The following PCDH15 variants were observed in gnomAD, a reference collection of about 807,000 sequenced individuals.
PCDH15 encodes the protein protocadherin related 15, also known as protocadherin-15.
Under a neutral mutation model 178.5 loss-of-function variants are expected in PCDH15, and 129 were observed. That is an observed-to-expected ratio of 0.72 (90% confidence interval 0.63 to 0.84). PCDH15 has a LOEUF of 0.84. Ranked by LOEUF, PCDH15 falls within the 40% of genes least tolerant of loss-of-function variation. The probability of loss-of-function intolerance (pLI) is 0.00; values close to 1 mark genes in which losing one functional copy is unlikely to be tolerated. For missense variants in PCDH15, 2,230 were observed against 2,099.9 expected (o/e 1.06, Z -1.21); for synonymous variants, 800 against 732.0 (o/e 1.09, Z -1.50).
At chr10:54,516,722 A>T (rs1212421360) in intron 3 of PCDH15, among the ~76,000 whole-genome samples, 1 of 151,336 alleles carries the variant, frequency 6.6e-6, no homozygotes, top group African/African-American at 2.4e-5. Context: ...CCACAAAGAT[A>T]CTCCTCGAGA....
At chr10:54,579,048 A>G (rs1393164150) in intron 2 of PCDH15, among the ~76,000 whole-genome samples, 1 of 152,110 alleles carries the variant, frequency 6.6e-6, no homozygotes, top group Non-Finnish European at 1.5e-5. Context: ...GAACACAATT[A>G]AATACATAGT....
At chr10:54,557,661 C>T (rs1329478256) in intron 2 of PCDH15, among the ~76,000 whole-genome samples, 1 of 152,074 alleles carries the variant, frequency 6.6e-6, no homozygotes, top group Non-Finnish European at 1.5e-5. Context: ...CAAAACATAG[C>T]AGTACGAGAA....
intron 1 of PCDH15, among the ~76,000 whole-genome samples, chr10:55,273,628 T>G (rs1842507277): frequency 6.6e-6 from 1 of 152,074 alleles, no homozygotes; most frequent in Admixed American, 6.5e-5. Context: ...TTAAAGCTGC[T>G]AAGTTATTAT....
intron 1 of PCDH15, among the ~76,000 whole-genome samples, chr10:55,243,409 A>C (rs933309617): frequency 6.6e-6 from 1 of 152,238 alleles, no homozygotes; most frequent in African/African-American, 2.4e-5. Context: ...CTACTTAGAA[A>C]GAAAATTTAT....
chr10:54,317,688 C>A (rs890613746), intron 7 of PCDH15, among the ~76,000 whole-genome samples: 2 of 151,972 alleles, frequency 1.3e-5, no homozygotes, highest in Non-Finnish European at 2.9e-5. Flanking sequence ...AGGAGGATCG[C>A]TTGAACTTGG....
intron 25 of PCDH15, among the ~76,000 whole-genome samples, chr10:53,903,992 ATGC>A (rs1488545586): frequency 1.3e-5 from 2 of 152,298 alleles, no homozygotes; most frequent in Non-Finnish European, 2.9e-5. Context: ...TGACTCATAA[ATGC>A]TGCATTTTAC....
At position 54,182,103 on chromosome 10, in the gene PCDH15, G is replaced by A. The variant is rs4540757; in HGVS notation, c.1590+1341C>T. Among the ~76,000 whole-genome samples, 649 of 152,090 alleles carry A rather than the reference G, an allele frequency of 4.3e-3. 3 individuals are homozygous for A. Among genetic ancestry groups the A allele is most frequent in the African/African-American group, 0.015 (612 of 41,504 alleles). On this transcript the variant is annotated intron_variant, in intron 13 of 37. Coordinates refer to ENST00000644397, the MANE Select transcript of PCDH15 (RefSeq NM_001384140.1). ...CTCCCGAGTAGCTGGGACTACAGGC[G>A]CATGCCGCCACGTCCGGCTAATTTT...
At chr10:54,590,785 C>T (rs939461518) in intron 2 of PCDH15, among the ~76,000 whole-genome samples, 2 of 152,032 alleles carry the variant, frequency 1.3e-5, no homozygotes, top group Non-Finnish European at 2.9e-5. Context: ...AAGCATTTTG[C>T]ACCCTCTAAA....
chr10:54,189,530 A>G (rs1458272600), intron 11 of PCDH15: 16 of 460,170 alleles, frequency 3.5e-5, no homozygotes, highest in Non-Finnish European at 5.5e-5. Context: ...TGTGACCCAC[A>G]TATAATGGAA....
At chr10:54,114,016 A>G (rs1590549573) in intron 15 of PCDH15, among the ~76,000 whole-genome samples, 1 of 152,150 alleles carries the variant, frequency 6.6e-6, no homozygotes, top group African/African-American at 2.4e-5. Flanking sequence ...AGAATGGCAT[A>G]GGAAAATCTC....
intron 34 of PCDH15, among the ~76,000 whole-genome samples, chr10:53,816,532 A>G (rs1414200105): frequency 6.6e-6 from 1 of 152,196 alleles, no homozygotes; most frequent in Non-Finnish European, 1.5e-5. Flanking sequence ...TAATAGCCTT[A>G]ATAAACAGGA....
intron 1 of PCDH15, among the ~76,000 whole-genome samples, chr10:54,699,148 C>G (rs2095274089): frequency 6.6e-6 from 1 of 152,022 alleles, no homozygotes; most frequent in South Asian, 2.1e-4. Context: ...AAACAAATAA[C>G]TTCAGAAAAC....
At chr10:54,661,820 C>A (rs987054384) in intron 2 of PCDH15, among the ~76,000 whole-genome samples, 11 of 151,860 alleles carry the variant, frequency 7.2e-5, no homozygotes, top group African/African-American at 2.4e-4. Flanking sequence ...TCACCCTATT[C>A]AATAAATGGT....
chr10:53,995,562 T>A, intron 21 of PCDH15, 87 bp downstream of exon 21: 1 of 1,610,862 alleles, frequency 6.2e-7, no homozygotes, highest in Non-Finnish European at 8.5e-7. Context: ...CAGAGACTAC[T>A]TTTGCTGTCT....
chr10:55,455,585 G>GTT (rs1565157198), intron 2 of PCDH15, among the ~76,000 whole-genome samples: 1 of 142,504 alleles, frequency 7.0e-6, no homozygotes, highest in African/African-American at 2.7e-5. Context: ...CTGTTTCTTC[G>GTT]TTGCTGTGAT....
At chr10:54,172,311 A>C in intron 13 of PCDH15, among the ~76,000 whole-genome samples, 9 of 147,146 alleles carry the variant, frequency 6.1e-5, no homozygotes, top group African/African-American at 1.5e-4. Flanking sequence ...GCGACCCCCG[A>C]CTCCTGCCCG....
At chr10:54,865,493 G>A (rs999756988) in intron 3 of PCDH15, among the ~76,000 whole-genome samples, 1 of 152,134 alleles carries the variant, frequency 6.6e-6, no homozygotes, top group Non-Finnish European at 1.5e-5. Flanking sequence ...GGCCTATTGT[G>A]AGACTTTGCT....
intron 2 of PCDH15, among the ~76,000 whole-genome samples, chr10:54,603,295 A>G (rs894251157): frequency 6.6e-6 from 1 of 151,696 alleles, no homozygotes; most frequent in Non-Finnish European, 1.5e-5. Context: ...CTAGGAAAGG[A>G]TGTGTCAGTT....
At chr10:55,259,660 C>G (rs190605811) in intron 1 of PCDH15, among the ~76,000 whole-genome samples, 84 of 151,110 alleles carry the variant, frequency 5.6e-4, no homozygotes, top group African/African-American at 1.9e-3. Flanking sequence ...AATCCCAGCA[C>G]TTTGGGAGGC....
Sources: allele counts gnomAD v4.1 joint callset (sites outside exome capture counted in the v4.1 genomes callset), GRCh38; gene constraint gnomAD v4.1.1; transcripts MANE v1.5; gene names NCBI Gene and HGNC (gene_info 2026-07-23, HGNC 2026-07-21).